Variants in BRINP2 observed in about 807,000 individuals in gnomAD.
The protein encoded by BRINP2 is BMP/retinoic acid inducible neural specific 2.
A neutral mutation model predicts 69.2 loss-of-function variants in BRINP2; 21 were observed. The observed-to-expected ratio is 0.30, with a 90% CI of 0.22 to 0.44. BRINP2 has a LOEUF of 0.44. Ranked by LOEUF, BRINP2 falls within the 20% of genes least tolerant of loss-of-function variation. The pLI, the probability that BRINP2 is intolerant of heterozygous loss-of-function variation, is 1.00. For missense variants in BRINP2, 877 were observed against 986.0 expected (o/e 0.89, Z 1.48); for synonymous variants, 380 against 394.1 (o/e 0.96, Z 0.42).
chr1:177,183,839 C>T (rs564593500), intron 1 of BRINP2, among the ~76,000 whole-genome samples: 1 of 152,288 alleles, frequency 6.6e-6, no homozygotes, highest in South Asian at 2.1e-4. Flanking sequence ...CTCTGGTTTA[C>T]AGTTCTGCAT....
intron 2 of BRINP2, among the ~76,000 whole-genome samples, chr1:177,245,199 T>G (rs1650336273): frequency 6.6e-6 from 1 of 152,154 alleles, no homozygotes; most frequent in Non-Finnish European, 1.5e-5. Context: ...TCTTGTATCC[T>G]AATGTACTCT....
intron 7 of BRINP2, among the ~76,000 whole-genome samples, 187 bp downstream of exon 7, chr1:177,278,972 A>G (rs1651604256): frequency 6.6e-6 from 1 of 152,236 alleles, no homozygotes; most frequent in Non-Finnish European, 1.5e-5. Context: ...GAGAGAGAGA[A>G]AAAAAGATGG....
intron 1 of BRINP2, among the ~76,000 whole-genome samples, chr1:177,189,828 A>G (rs1453924604): frequency 6.6e-6 from 1 of 152,180 alleles, no homozygotes; most frequent in Non-Finnish European, 1.5e-5. Context: ...CAACCTTATG[A>G]ATAAACCATC....
At chr1:177,258,341 A>G (rs1650836568) in intron 4 of BRINP2, among the ~76,000 whole-genome samples, 2 of 152,196 alleles carry the variant, frequency 1.3e-5, no homozygotes, top group Admixed American at 1.3e-4. Context: ...TCACAAGCAA[A>G]TTTTGTTTAT....
chr1:177,256,596 G>T (rs1230776875), intron 3 of BRINP2: 1 of 985,418 alleles, frequency 1.0e-6, no homozygotes, highest in East Asian at 1.1e-4. Flanking sequence ...GTGGGGGTAG[G>T]GTGGAGCAAT....
chr1:177,226,293 A>G (rs1391359996), intron 1 of BRINP2, among the ~76,000 whole-genome samples: 1 of 152,212 alleles, frequency 6.6e-6, no homozygotes, highest in Admixed American at 6.5e-5. Flanking sequence ...GAATTGATTC[A>G]TCAAATATTT....
chr1:177,271,055 T>A (rs1158892048), intron 4 of BRINP2, among the ~76,000 whole-genome samples: 1 of 152,180 alleles, frequency 6.6e-6, no homozygotes, highest in Non-Finnish European at 1.5e-5. Context: ...CTGGGGTTGT[T>A]TAAGTACATT....
At chr1:177,277,235 A>G (rs1651529192) in intron 6 of BRINP2, among the ~76,000 whole-genome samples, 1 of 151,252 alleles carries the variant, frequency 6.6e-6, no homozygotes, top group African/African-American at 2.4e-5. Flanking sequence ...CTATTTATAT[A>G]ATGTTTACAA....
intron 1 of BRINP2, among the ~76,000 whole-genome samples, chr1:177,183,729 G>A (rs542932942): frequency 7.9e-5 from 12 of 152,296 alleles, no homozygotes; most frequent in East Asian, 5.8e-4. Flanking sequence ...GGATACTGAC[G>A]TGGTGAACCA....
Position 177,281,202 on chromosome 1 carries a change from G to C in BRINP2, c.2026G>C (p.Gly676Arg). ...LEMTDPSKNL[G>R]YMKINTLQVF... ...GATGACTGATCCCTCTAAGAATTTGGGTTACATGAAAATTAACACCTTGCA... is the reference window on the plus strand; with the variant it reads ...GATGACTGATCCCTCTAAGAATTTGCGTTACATGAAAATTAACACCTTGCA... Residue 676 changes from glycine (G) to arginine (R), a missense_variant, in exon 8 of 8, where the codon GGT becomes CGT. Coordinates refer to ENST00000361539, the MANE Select transcript of BRINP2 (RefSeq NM_021165.4). 1.2e-6 allele frequency: 2 copies of C among 1,614,140 alleles called. No individual in the cohort carries two copies. Among genetic ancestry groups the C allele is most frequent in the South Asian group, 1.1e-5 (1 of 91,080 alleles).
At chr1:177,269,809 G>A (rs1457404580) in intron 4 of BRINP2, among the ~76,000 whole-genome samples, 2 of 152,154 alleles carry the variant, frequency 1.3e-5, no homozygotes, top group East Asian at 3.9e-4. Context: ...AAAATTGGAA[G>A]TGCTAATGAA....
chr1:177,257,502 C>T, intron 4 of BRINP2, 118 bp downstream of exon 4: 1 of 1,005,616 alleles, frequency 9.9e-7, no homozygotes, highest in Middle Eastern at 3.2e-4. Context: ...GGAAAAGAAG[C>T]TTTCTGATGA....
At position 177,281,602 on chromosome 1, in the gene BRINP2, C is replaced by A; in HGVS notation, c.*74C>A. The A allele has an allele frequency of 6.7e-7, 1 of 1,493,232 alleles. No individual in the cohort carries two copies. Among genetic ancestry groups the A allele is most frequent in the Non-Finnish European group, 8.9e-7 (1 of 1,123,484 alleles). 92.5% of individuals were successfully genotyped at this position (1,493,232 alleles called of 1,614,324 possible). On this transcript the variant is annotated 3_prime_UTR_variant, in exon 8 of 8. Coordinates refer to ENST00000361539, the MANE Select transcript of BRINP2 (RefSeq NM_021165.4). ...GGTACAAAGATAATCTAAGCCCTCACCTTAGTGCCAACAGGGTGTGCTCCC... is the reference window on the plus strand; with the variant it reads ...GGTACAAAGATAATCTAAGCCCTCAACTTAGTGCCAACAGGGTGTGCTCCC...
intron 2 of BRINP2, among the ~76,000 whole-genome samples, chr1:177,255,441 G>A (rs1448007469): frequency 6.6e-6 from 1 of 152,176 alleles, no homozygotes; most frequent in Non-Finnish European, 1.5e-5. Context: ...ATTTTTAACA[G>A]TATGAAGGGG....
chr1:177,177,398 T>C (rs1207335230), intron 1 of BRINP2, among the ~76,000 whole-genome samples: 3 of 152,204 alleles, frequency 2.0e-5, no homozygotes, highest in Non-Finnish European at 4.4e-5. Flanking sequence ...CAGATTGGAA[T>C]ATTATAACTC....
chr1:177,223,679 C>T (rs1056637117), intron 1 of BRINP2, among the ~76,000 whole-genome samples: 6 of 152,124 alleles, frequency 3.9e-5, no homozygotes, highest in Non-Finnish European at 7.4e-5. Context: ...ATTTAGTAAA[C>T]AGTAATTATG....
rs774464143 is a variant in BRINP2, at chr1:177,230,062, G to A, written c.186G>A (p.Arg62=). The change falls in exon 2 of 8, where the codon CGG becomes CGA. Residue 62 remains arginine, a synonymous_variant. Transcript: ENST00000361539. ...QHPLDWLLTD[R]GPFHRAQEYA... ...CCCTGGACTGGCTGCTCACAGACCG[G>A]GGCCCCTTCCACCGCGCTCAGGAGT... The A allele has an allele frequency of 1.2e-6, 2 of 1,613,716 alleles. No individual in the cohort carries two copies. Among genetic ancestry groups the A allele is most frequent in the Non-Finnish European group, 1.7e-6 (2 of 1,180,004 alleles).
intron 2 of BRINP2, among the ~76,000 whole-genome samples, chr1:177,234,127 G>A (rs1277850029): frequency 1.3e-5 from 2 of 152,194 alleles, no homozygotes; most frequent in African/African-American, 2.4e-5. Context: ...CCAGTTCCAT[G>A]TGTGACTTCC....
chr1:177,231,693 G>A (rs145439437), intron 2 of BRINP2, among the ~76,000 whole-genome samples: 1,532 of 152,314 alleles, frequency 0.01, 26 homozygotes, highest in African/African-American at 0.036. Context: ...GTCTGGTCCT[G>A]GAAGAGACTG....
Sources: gnomAD v4.1 joint callset for allele counts (sites outside exome capture counted in the v4.1 genomes callset) on GRCh38, gnomAD v4.1.1 for gene constraint, MANE v1.5 for transcripts, NCBI Gene and HGNC (gene_info 2026-07-23, HGNC 2026-07-21) for gene names.